The following CCDC13 variants were observed in gnomAD, a reference collection of about 807,000 sequenced individuals.
The protein encoded by CCDC13 is coiled-coil domain-containing protein 13.
In CCDC13, 70 loss-of-function variants were observed where a neutral mutation model predicts 87.3. The observed-to-expected ratio is 0.80, with a 90% CI of 0.66 to 0.98. The LOEUF (loss-of-function observed/expected upper bound fraction) is 0.98. CCDC13 is among the 50% of genes least tolerant of loss of function. CCDC13 has a pLI of 0.00. For synonymous variants in CCDC13, 317 were observed against 360.3 expected (o/e 0.88, Z 1.36); for missense variants, 842 against 892.0 (o/e 0.94, Z 0.71).
chr3:42,709,706 G>A lies in CCDC13; in HGVS notation c.1966C>T (p.Gln656Ter). ...AQLSDVPVESQMEELTTRLAI... is the reference protein window; with the variant it reads ...AQLSDVPVES The stretch of plus-strand genomic sequence containing the variant: ...CACCTGGTTGTCAGCTCTTCCATTT[G>A]GGATTCCACGGGCACATCGGAGAGC... Residue 656 changes from glutamine (Q) to a stop codon, truncating the protein, a stop_gained, in exon 15 of 16, where the codon CAA (glutamine) becomes TAA (stop). Coordinates refer to ENST00000310232, the MANE Select transcript of CCDC13 (RefSeq NM_144719.4). LOFTEE classifies it high-confidence loss of function. The A allele has an allele frequency of 6.2e-7, 1 of 1,614,078 alleles. No homozygotes were observed. Among genetic ancestry groups the A allele is most frequent in the Non-Finnish European group, 8.5e-7 (1 of 1,179,928 alleles).
At chr3:42,734,916 A>T (rs1048252322) in intron 10 of CCDC13, among the ~76,000 whole-genome samples, 13 of 152,248 alleles carry the variant, frequency 8.5e-5, no homozygotes, top group African/African-American at 3.1e-4. Context: ...GCCTTAGACA[A>T]GCATTTATTG....
chr3:42,743,600 T>TATATATATATATATATATATATAC, intron 7 of CCDC13, among the ~76,000 whole-genome samples: 39 of 125,784 alleles, frequency 3.1e-4, no homozygotes, highest in East Asian at 9.1e-4. Flanking sequence ...TATATATATA[T>TATATATATATATATATATATATAC]ACACACACAC....
Position 42,706,511 on chromosome 3 carries a change from G to C in CCDC13, c.*2469C>G, listed in dbSNP as rs58032452. ...AGGTGCCCGGTGGTAGGTGCCAGCA[G>C]ACATGACAGGCACTCCCGCACATGG... On this transcript the variant is annotated 3_prime_UTR_variant, in exon 16 of 16. Coordinates refer to ENST00000310232, the MANE Select transcript of CCDC13 (RefSeq NM_144719.4). 4,614 of 152,358 alleles carry C rather than the reference G, an allele frequency of 0.03. 204 individuals are homozygous for C. Among genetic ancestry groups the C allele is most frequent in the East Asian group, 0.19 (973 of 5,174 alleles). 9.4% of individuals were successfully genotyped at this position (152,358 alleles called of 1,614,324 possible). A position where few individuals can be genotyped will look rare whatever the true frequency, so the allele number is the denominator to read the frequency against.
intron 1 of CCDC13, among the ~76,000 whole-genome samples, chr3:42,772,514 C>T (rs754359738): frequency 1.3e-5 from 2 of 152,094 alleles, no homozygotes; most frequent in Non-Finnish European, 2.9e-5. Flanking sequence ...TTTTCTCTTC[C>T]CCTCTCCTTC....
At chr3:42,755,235 C>A (rs1489325591) in intron 3 of CCDC13, among the ~76,000 whole-genome samples, 2 of 152,002 alleles carry the variant, frequency 1.3e-5, no homozygotes, top group Non-Finnish European at 2.9e-5. Context: ...AAACAAAACC[C>A]AAAGGAATCA....
At chr3:42,737,304 A>G (rs1172591498) in intron 9 of CCDC13, among the ~76,000 whole-genome samples, 1 of 152,176 alleles carries the variant, frequency 6.6e-6, no homozygotes, top group East Asian at 1.9e-4. Context: ...TTCTTAATCC[A>G]GTCTATTACT....
chr3:42,739,508 CA>C, intron 9 of CCDC13, 125 bp downstream of exon 9: 2 of 1,065,258 alleles, frequency 1.9e-6, no homozygotes, highest in Non-Finnish European at 2.7e-6. Flanking sequence ...CATCTGGAGG[CA>C]ACGGGCTTTG....
At chr3:42,768,824 A>G (rs1699988034) in intron 1 of CCDC13, among the ~76,000 whole-genome samples, 1 of 151,744 alleles carries the variant, frequency 6.6e-6, no homozygotes, top group African/African-American at 2.4e-5. Context: ...TAACTTAATA[A>G]TAAGAAAATA....
intron 1 of CCDC13, among the ~76,000 whole-genome samples, chr3:42,772,266 T>TC (rs1700136000): frequency 1.3e-4 from 2 of 15,842 alleles, no homozygotes; most frequent in African/African-American, 1.7e-4. Flanking sequence ...CGAGACTCCG[T>TC]CAAAAAAAAA....
chr3:42,747,252 A>C lies in CCDC13; in HGVS notation c.720+5T>G. The C allele has an allele frequency of 1.2e-6, 2 of 1,611,908 alleles. No individual in the cohort carries two copies. The highest frequency in any genetic ancestry group is 1.7e-6 in the Non-Finnish European group (2 of 1,178,078). On this transcript the variant is annotated splice_donor_5th_base_variant and intron_variant, in intron 6 of 15. Transcript: ENST00000310232. ...AAGAAGCCCCAAGCCCTGGCTCTGA[A>C]AGACCTTCTGTGCCATCCGCAGCTC...
rs565975289 is a variant in CCDC13, at chr3:42,733,666, G to A, written c.1372-57C>T. ...GGCTTTGGCTCAGAGGCCTAGAGAA[G>A]GCAGGAGGGGATCTTGGCTTGATTT... On this transcript the variant is annotated intron_variant, in intron 10 of 15. Coordinates refer to ENST00000310232, the MANE Select transcript of CCDC13 (RefSeq NM_144719.4). 7.2e-6 allele frequency: 11 copies of A among 1,530,558 alleles called. No individual in the cohort carries two copies. In the East Asian group the frequency reaches 2.3e-4, roughly 33 times the overall value. 94.8% of individuals were successfully genotyped at this position (1,530,558 alleles called of 1,614,324 possible).
chr3:42,767,748 G>A lies in CCDC13; in HGVS notation c.-7+5428C>T, dbSNP rs927990947. Among the ~76,000 whole-genome samples the A allele has an allele frequency of 6.6e-5, 10 of 152,200 alleles. No individual in the cohort carries two copies. In the East Asian group the frequency reaches 1.9e-3, roughly 29 times the overall value. On this transcript the variant is annotated intron_variant, in intron 1 of 15. Coordinates refer to ENST00000310232, the MANE Select transcript of CCDC13 (RefSeq NM_144719.4). ...CACTTTGGGAGGCCGAGGCGGGTGG[G>A]TGGATCACCTGAGGTCAGGAGTTCA...
intron 8 of CCDC13, among the ~76,000 whole-genome samples, chr3:42,741,504 A>G (rs1307551398): frequency 6.6e-6 from 1 of 152,176 alleles, no homozygotes; most frequent in African/African-American, 2.4e-5. Flanking sequence ...TGTGAGGCCG[A>G]GGCAGGTGGA....
chr3:42,765,709 C>T (rs1210027004), intron 1 of CCDC13, among the ~76,000 whole-genome samples: 1 of 152,176 alleles, frequency 6.6e-6, no homozygotes, highest in East Asian at 1.9e-4. Flanking sequence ...CAATTTGAAG[C>T]TGAATGCAGA....
intron 3 of CCDC13, among the ~76,000 whole-genome samples, chr3:42,755,592 G>A (rs978820341): frequency 9.2e-5 from 14 of 152,232 alleles, no homozygotes; most frequent in African/African-American, 3.4e-4. Context: ...GGGCAACAGA[G>A]CAAGACTCTG....
intron 7 of CCDC13, 23 bp downstream of exon 7, chr3:42,745,897 CAGG>C (rs1559653238): frequency 4.5e-6 from 7 of 1,567,770 alleles, no homozygotes; most frequent in East Asian, 2.2e-5. Flanking sequence ...TTGTTCAGGC[CAGG>C]AGAAGTCTGA....
At chr3:42,715,048 T>C (rs745651010) in intron 13 of CCDC13, among the ~76,000 whole-genome samples, 10 of 151,974 alleles carry the variant, frequency 6.6e-5, no homozygotes, top group Non-Finnish European at 1.3e-4. Context: ...TCCCAGCACT[T>C]TGGGTGGCCG....
At chr3:42,741,815 C>T (rs1390388870) in intron 8 of CCDC13, among the ~76,000 whole-genome samples, 1 of 152,194 alleles carries the variant, frequency 6.6e-6, no homozygotes, top group African/African-American at 2.4e-5. Context: ...ATACAAAGCC[C>T]AGCAGGCCCT....
intron 1 of CCDC13, among the ~76,000 whole-genome samples, chr3:42,765,098 C>T (rs1401330532): frequency 6.6e-6 from 1 of 152,176 alleles, no homozygotes; most frequent in Non-Finnish European, 1.5e-5. Flanking sequence ...GTACACTGTG[C>T]CCCAGGCAAA....
Sources: gnomAD v4.1 joint callset for allele counts (sites outside exome capture counted in the v4.1 genomes callset) on GRCh38, gnomAD v4.1.1 for gene constraint, MANE v1.5 for transcripts, NCBI Gene and HGNC (gene_info 2026-07-23, HGNC 2026-07-21) for gene names.